Variants in DLG2 observed in about 807,000 individuals in gnomAD.
DLG2 encodes the protein disks large homolog 2.
A neutral mutation model predicts 132.5 loss-of-function variants in DLG2; 45 were observed. That is an observed-to-expected ratio of 0.34 (90% CI 0.27 to 0.44). The LOEUF is 0.44. DLG2 is among the 20% of genes least tolerant of loss of function. DLG2 has a pLI of 1.00. For missense variants in DLG2, 1,045 were observed against 1,196.9 expected, an observed-to-expected ratio of 0.87 and a Z score of 1.87; for synonymous variants, 424 against 419.6, an observed-to-expected ratio of 1.01 and a Z score of -0.13.
intron 6 of DLG2, among the ~76,000 whole-genome samples, chr11:85,000,471 C>G (rs982410922): frequency 2.0e-5 from 3 of 152,138 alleles, no homozygotes; most frequent in Non-Finnish European, 4.4e-5. Context: ...TTGGGAAAGT[C>G]AGTTAATATT....
At chr11:84,455,697 T>C (rs1408008409) in intron 7 of DLG2, among the ~76,000 whole-genome samples, 1 of 151,440 alleles carries the variant, frequency 6.6e-6, no homozygotes, top group African/African-American at 2.4e-5. Flanking sequence ...ACTTTTATTC[T>C]ACTTTTCATT....
chr11:84,535,402 G>A (rs1482127487), intron 6 of DLG2, among the ~76,000 whole-genome samples: 1 of 152,192 alleles, frequency 6.6e-6, no homozygotes, highest in Non-Finnish European at 1.5e-5. Flanking sequence ...CAAGTTATCT[G>A]CCTATATTGT....
At chr11:83,587,623 T>C (rs549478020) in intron 19 of DLG2, among the ~76,000 whole-genome samples, 1 of 152,302 alleles carries the variant, frequency 6.6e-6, no homozygotes, top group African/African-American at 2.4e-5. Context: ...AATCACTCTA[T>C]GTATCTATAG....
At chr11:83,687,895 A>G (rs2080100223) in intron 18 of DLG2, among the ~76,000 whole-genome samples, 1 of 152,038 alleles carries the variant, frequency 6.6e-6, no homozygotes. Flanking sequence ...CCAGCTACTC[A>G]GCAGGCTGAG....
chr11:84,862,817 C>CCGG, intron 6 of DLG2, among the ~76,000 whole-genome samples: 1 of 46,182 alleles, frequency 2.2e-5, no homozygotes, highest in South Asian at 1.1e-3. Flanking sequence ...CAGGTCCTGT[C>CCGG]GGGGGGGGGG....
rs996114924 is a variant in DLG2, at chr11:84,921,101, TAAAAC to T, written c.357+190555_357+190559del. 1.0e-4 allele frequency among the ~76,000 whole-genome samples: 15 copies of T among 147,854 alleles called. 1 individual carries two copies. The highest frequency in any genetic ancestry group is 2.1e-4 in the South Asian group (1 of 4,742). On this transcript the variant is annotated intron_variant, in intron 6 of 27. Transcript: ENST00000376104. ...CTTTTAAAATGTAATATAAATAAAA[TAAAAC>T]AAAAGTCAAAATAGATAAAAATATT...
At chr11:83,601,507 G>GTTGTTTT (rs1365389170) in intron 19 of DLG2, among the ~76,000 whole-genome samples, 1 of 51,400 alleles carries the variant, frequency 1.9e-5, no homozygotes, top group Non-Finnish European at 3.6e-5. Flanking sequence ...AATATGTGAT[G>GTTGTTTT]TTCTTTTTTT....
chr11:84,171,845 A>G (rs1049084368), intron 8 of DLG2, among the ~76,000 whole-genome samples: 1 of 152,162 alleles, frequency 6.6e-6, no homozygotes, highest in African/African-American at 2.4e-5. Context: ...AATAGGACAA[A>G]ACACATTACA....
chr11:84,316,951 C>T, intron 7 of DLG2: 2 of 1,612,790 alleles, frequency 1.2e-6, no homozygotes, highest in South Asian at 1.1e-5. Flanking sequence ...AGCTGGACCC[C>T]CCGGTCCTGT....
At chr11:85,257,706 A>G (rs2076738854) in intron 4 of DLG2, among the ~76,000 whole-genome samples, 2 of 152,220 alleles carry the variant, frequency 1.3e-5, no homozygotes, top group East Asian at 3.8e-4. Flanking sequence ...TTGTAAATGA[A>G]CTGATGTTAT....
chr11:85,402,288 T>C (rs533087496), intron 3 of DLG2, among the ~76,000 whole-genome samples: 5 of 152,304 alleles, frequency 3.3e-5, no homozygotes, highest in Admixed American at 2.0e-4. Context: ...TGGGTAGCCA[T>C]GTGTAGAAAG....
At chr11:84,919,978 C>T (rs971018520) in intron 6 of DLG2, among the ~76,000 whole-genome samples, 5 of 152,004 alleles carry the variant, frequency 3.3e-5, no homozygotes, top group African/African-American at 1.2e-4. Flanking sequence ...AAATAAAAAC[C>T]CAAGCCAATG....
chr11:84,527,725 A>G (rs2099325652), intron 7 of DLG2, among the ~76,000 whole-genome samples: 1 of 152,140 alleles, frequency 6.6e-6, no homozygotes, highest in African/African-American at 2.4e-5. Context: ...TTTTTAATAC[A>G]CCCTAGGAAA....
At chr11:84,650,900 T>A (rs1012349016) in intron 6 of DLG2, among the ~76,000 whole-genome samples, 266 of 138,400 alleles carry the variant, frequency 1.9e-3, no homozygotes, top group African/African-American at 7.2e-3. Flanking sequence ...TATATATATA[T>A]AAAATTTTTG....
Position 83,700,469 on chromosome 11 carries a change from TG to T in DLG2, c.1826-67145del, listed in dbSNP as rs2082730545. Among the ~76,000 whole-genome samples, 4 of 152,162 alleles carry T rather than the reference TG, an allele frequency of 2.6e-5. No homozygotes were observed. In the South Asian group the frequency reaches 8.3e-4, roughly 32 times the overall value. On this transcript the variant is annotated intron_variant, in intron 18 of 27. Coordinates refer to ENST00000376104, the MANE Select transcript of DLG2 (RefSeq NM_001142699.3). ...GAAAAAGCCCACTTAGAAATAAAGA[TG>T]GAGCTTTTACTTAGGAACCTGAATA...
chr11:85,456,026 T>C (rs1262864747), intron 3 of DLG2, among the ~76,000 whole-genome samples: 1 of 151,868 alleles, frequency 6.6e-6, no homozygotes, highest in Non-Finnish European at 1.5e-5. Flanking sequence ...TCCTCAACTT[T>C]TAGAATTAGT....
chr11:85,551,569 T>C (rs1189629430), intron 3 of DLG2, among the ~76,000 whole-genome samples: 1 of 152,012 alleles, frequency 6.6e-6, no homozygotes, highest in Non-Finnish European at 1.5e-5. Flanking sequence ...ATTCACAAAT[T>C]AAATATATTT....
chr11:85,442,486 C>T (rs1360580985), intron 3 of DLG2, among the ~76,000 whole-genome samples: 4 of 152,136 alleles, frequency 2.6e-5, no homozygotes, highest in Non-Finnish European at 5.9e-5. Context: ...CAGAGTTTAG[C>T]ATGAGAAACC....
chr11:83,550,248 C>A (rs561390824), intron 19 of DLG2, among the ~76,000 whole-genome samples: 6 of 152,200 alleles, frequency 3.9e-5, no homozygotes, highest in Non-Finnish European at 5.9e-5. Flanking sequence ...GGCCTCCCTG[C>A]AGCTATAGCT....
Sources: allele counts gnomAD v4.1 joint callset (sites outside exome capture counted in the v4.1 genomes callset), GRCh38; gene constraint gnomAD v4.1.1; transcripts MANE v1.5; gene names NCBI Gene and HGNC (gene_info 2026-07-23, HGNC 2026-07-21).